The following TRUB1 variants were observed in gnomAD, a reference collection of about 807,000 sequenced individuals.
TRUB1 encodes pseudouridylate synthase TRUB1.
Under a neutral mutation model 33.9 loss-of-function variants are expected in TRUB1, and 23 were observed. That is an observed-to-expected ratio of 0.68 (90% CI 0.49 to 0.96). The LOEUF is 0.96. TRUB1 is among the 40% of genes least tolerant of loss of function. The pLI, the probability that TRUB1 is intolerant of heterozygous loss-of-function variation, is 0.00. For synonymous variants in TRUB1, 163 were observed against 165.4 expected (o/e 0.99, Z 0.11); for missense variants, 378 against 422.2 (o/e 0.90, Z 0.92).
chr10:114,949,934 T>C (rs2143020980), intron 2 of TRUB1, among the ~76,000 whole-genome samples: 1 of 151,268 alleles, frequency 6.6e-6, no homozygotes, highest in South Asian at 2.1e-4. Context: ...GTTTTGCTCT[T>C]GTCACCCAGG....
intron 4 of TRUB1, among the ~76,000 whole-genome samples, chr10:114,960,242 C>T (rs1020711986): frequency 3.3e-5 from 5 of 152,046 alleles, no homozygotes; most frequent in South Asian, 4.1e-4. Context: ...TTTGTGCTTT[C>T]GGACTATGTA....
At chr10:114,952,468 G>T (rs576625322) in intron 3 of TRUB1, among the ~76,000 whole-genome samples, 19 of 151,068 alleles carry the variant, frequency 1.3e-4, no homozygotes, top group African/African-American at 4.6e-4. Flanking sequence ...AAGGTAGGTA[G>T]GTAGGTAGGT....
intron 2 of TRUB1, among the ~76,000 whole-genome samples, chr10:114,944,679 C>T (rs1592048273): frequency 6.6e-6 from 1 of 151,802 alleles, no homozygotes; most frequent in African/African-American, 2.4e-5. Flanking sequence ...AATAAATAAA[C>T]AAACATAAAA....
At position 114,975,463 on chromosome 10, in the gene TRUB1, CAAACA is replaced by C; in HGVS notation, c.*86_*90del. The C allele has an allele frequency of 8.0e-7, 1 of 1,256,710 alleles. No homozygotes were observed. Among genetic ancestry groups the C allele is most frequent in the Non-Finnish European group, 1.1e-6 (1 of 938,194 alleles). The allele number at this position is 1,256,710 out of a possible 1,614,324, so 77.8% of individuals were successfully genotyped here. A position where few individuals can be genotyped will look rare whatever the true frequency, so the allele number is the denominator to read the frequency against. On this transcript the variant is annotated 3_prime_UTR_variant, in exon 8 of 8. Transcript: ENST00000298746. Reference sequence around the variant, plus strand: ...AGAATGACAAGCTGCATTCAAAAGACAAACAATATGTCTTTTTTTTTTTTGCATGA... The same window carrying C: ...AGAATGACAAGCTGCATTCAAAAGACATATGTCTTTTTTTTTTTTGCATGA...
At chr10:114,964,012 C>CATG (rs1180080144) in intron 4 of TRUB1, among the ~76,000 whole-genome samples, 1 of 151,736 alleles carries the variant, frequency 6.6e-6, no homozygotes, top group Admixed American at 6.6e-5. Context: ...TGTGTGCCTG[C>CATG]ATGTGTTCCT....
chr10:114,963,343 T>C (rs1373206299), intron 4 of TRUB1, among the ~76,000 whole-genome samples: 3 of 152,186 alleles, frequency 2.0e-5, no homozygotes, highest in Non-Finnish European at 4.4e-5. Flanking sequence ...AGCTCAAGAG[T>C]TGAATTTAGT....
chr10:114,956,592 A>G (rs2084262588), intron 3 of TRUB1, among the ~76,000 whole-genome samples: 2 of 152,200 alleles, frequency 1.3e-5, no homozygotes, highest in African/African-American at 2.4e-5. Context: ...GCTGATTTCA[A>G]TCATCGGTTC....
chr10:114,950,327 C>A (rs2084228745), intron 2 of TRUB1, among the ~76,000 whole-genome samples: 1 of 152,156 alleles, frequency 6.6e-6, no homozygotes, highest in African/African-American at 2.4e-5. Context: ...GTTTGCCAAT[C>A]AGTAGTCCTT....
intron 4 of TRUB1, among the ~76,000 whole-genome samples, chr10:114,965,628 A>G (rs1272947444): frequency 2.6e-5 from 4 of 152,108 alleles, no homozygotes; most frequent in Admixed American, 6.5e-5. Flanking sequence ...AAGAATTTCT[A>G]TCAGATTGGT....
intron 2 of TRUB1, among the ~76,000 whole-genome samples, chr10:114,944,776 A>G (rs898241077): frequency 1.8e-4 from 27 of 152,128 alleles, no homozygotes; most frequent in Non-Finnish European, 4.4e-5. Flanking sequence ...CTTGAGCCCA[A>G]GAGTCCAAGA....
intron 3 of TRUB1, among the ~76,000 whole-genome samples, chr10:114,951,890 T>A (rs1179974184): frequency 6.6e-6 from 1 of 152,350 alleles, no homozygotes. Flanking sequence ...AACTTTGTTT[T>A]AAAACTCTTG....
rs1359722555 is a variant in TRUB1 at position 114,976,389 on chromosome 10, C to G, written c.*1010C>G. The G allele has an allele frequency of 1.3e-5, 2 of 152,096 alleles. No homozygotes were observed. The highest frequency in any genetic ancestry group is 4.8e-5 in the African/African-American group (2 of 41,424). 9.4% of individuals were successfully genotyped at this position (152,096 alleles called of 1,614,324 possible). On this transcript the variant is annotated 3_prime_UTR_variant, in exon 8 of 8. Transcript: ENST00000298746. ...CATTCAGATAGCTTTCTGAAAGTTC[C>G]CTATCCCTCTTTACCATAATTTTTT... is the stretch of plus-strand genomic sequence containing the variant.
At chr10:114,951,871 C>G (rs774065978) in intron 3 of TRUB1, among the ~76,000 whole-genome samples, 8 of 152,012 alleles carry the variant, frequency 5.3e-5, no homozygotes, top group Non-Finnish European at 1.0e-4. Flanking sequence ...TCATTATGTT[C>G]CTGGAATAAA....
At position 114,942,731 on chromosome 10, in the gene TRUB1, C is replaced by T. The variant is rs189510806; in HGVS notation, c.373C>T (p.Arg125Ter). The T allele has an allele frequency of 3.2e-5, 52 of 1,612,486 alleles. No individual in the cohort carries two copies. The Admixed American group carries it at 3.5e-4, about 11-fold the overall frequency. The change falls in exon 2 of 8, where the codon CGA becomes TGA. Residue 125 changes from arginine to a stop codon, truncating the protein, a stop_gained. Transcript: ENST00000298746. LOFTEE classifies it high-confidence loss of function. ...TGGAGGGACTCTAGACAGCGCAGCC[C>T]GAGGAGTTCTGGGTAAGAGATATGA... ...GHGGTLDSAA[R>*]GVLVVGIGSG...
intron 3 of TRUB1, among the ~76,000 whole-genome samples, chr10:114,957,417 T>C (rs2084266241): frequency 6.6e-6 from 1 of 152,252 alleles, no homozygotes; most frequent in Non-Finnish European, 1.5e-5. Context: ...ATCTATCTTA[T>C]GTATCTGTGT....
chr10:114,939,345 C>G (rs2084174595), intron 1 of TRUB1, among the ~76,000 whole-genome samples: 2 of 152,142 alleles, frequency 1.3e-5, no homozygotes, highest in Admixed American at 1.3e-4. Flanking sequence ...CCTATAGAGA[C>G]TTGAAGATGA....
At chr10:114,968,744 G>A (rs913356835) in intron 4 of TRUB1, among the ~76,000 whole-genome samples, 1 of 152,156 alleles carries the variant, frequency 6.6e-6, no homozygotes, top group African/African-American at 2.4e-5. Context: ...GCTTTTAAGG[G>A]TCAAGGTCAT....
intron 4 of TRUB1, chr10:114,960,073 C>CAAGG: frequency 2.7e-6 from 1 of 366,032 alleles, no homozygotes; most frequent in Non-Finnish European, 4.9e-6. Context: ...CTTGCAAAAG[C>CAAGG]ATGTATGGCT....
At chr10:114,952,872 A>T (rs778792924) in intron 3 of TRUB1, among the ~76,000 whole-genome samples, 1 of 152,158 alleles carries the variant, frequency 6.6e-6, no homozygotes, top group African/African-American at 2.4e-5. Flanking sequence ...ACTCCCAAAG[A>T]TGAACAATGT....
Sources: allele counts gnomAD v4.1 joint callset (sites outside exome capture counted in the v4.1 genomes callset), GRCh38; gene constraint gnomAD v4.1.1; transcripts MANE v1.5; gene names NCBI Gene and HGNC (gene_info 2026-07-23, HGNC 2026-07-21).